The following DENND5B variants were observed in gnomAD, a reference collection of about 807,000 sequenced individuals.
DENND5B encodes the protein DENN domain-containing protein 5B.
DENND5B carries 34 observed loss-of-function variants against 140.6 expected under a neutral mutation model. That is an observed-to-expected ratio of 0.24 (90% confidence interval 0.18 to 0.32). DENND5B has a LOEUF of 0.32. DENND5B is among the 10% of genes least tolerant of loss of function. The pLI is 1.00. For synonymous variants in DENND5B, 551 were observed against 562.1 expected, an observed-to-expected ratio of 0.98 and a Z score of 0.28; for missense variants, 1,142 against 1,560.2, an observed-to-expected ratio of 0.73 and a Z score of 4.52.
Position 31,549,617 on chromosome 12 carries a change from T to A in DENND5B, c.127+41089A>T, listed in dbSNP as rs185017196. 2.6e-5 allele frequency among the ~76,000 whole-genome samples: 4 copies of A among 152,136 alleles called. No homozygotes were observed. The East Asian group carries it at 7.7e-4, about 29-fold the overall frequency. ...TTACACAGGTAAATGTGTGCCATGG[T>A]GGTTTGCTGCACCTATCAACCCATC... On this transcript the variant is annotated intron_variant, in intron 1 of 20. Transcript: ENST00000389082.
At chr12:31,473,804 A>G (rs1359981923) in intron 3 of DENND5B, among the ~76,000 whole-genome samples, 2 of 152,210 alleles carry the variant, frequency 1.3e-5, no homozygotes, top group Non-Finnish European at 2.9e-5. Context: ...AGAGATCCCT[A>G]TTGAAAAAGA....
In DENND5B at chr12:31,399,701, T is replaced by TAGC. The variant is rs1941697311; in HGVS notation, c.3018_3020dup (p.Leu1007dup). 1 of 1,613,908 alleles carries TAGC rather than the reference T, an allele frequency of 6.2e-7. No individual in the cohort carries two copies. The highest frequency in any genetic ancestry group is 8.5e-7 in the Non-Finnish European group (1 of 1,179,942). ...CATTTCTGACCATGACACAATCCAC[T>TAGC]AGCCATTTGGCTAACAGTCCTGAGT... On this transcript the variant is annotated inframe_insertion, in exon 16 of 21. Transcript: ENST00000389082.
chr12:31,507,386 G>A (rs1947243896), intron 1 of DENND5B, among the ~76,000 whole-genome samples: 1 of 152,114 alleles, frequency 6.6e-6, no homozygotes, highest in South Asian at 2.1e-4. Context: ...GATCCTGCCT[G>A]GGCCTCCCAA....
chr12:31,492,356 A>G (rs948803153), intron 2 of DENND5B, among the ~76,000 whole-genome samples: 1 of 152,214 alleles, frequency 6.6e-6, no homozygotes, highest in Non-Finnish European at 1.5e-5. Context: ...TAAAAGAAAG[A>G]AAACACATGA....
At chr12:31,554,347 T>TGA in intron 1 of DENND5B, among the ~76,000 whole-genome samples, 1 of 152,220 alleles carries the variant, frequency 6.6e-6, no homozygotes, top group Non-Finnish European at 1.5e-5. Flanking sequence ...GGATATGATA[T>TGA]TCTGGGTTGA....
intron 1 of DENND5B, among the ~76,000 whole-genome samples, chr12:31,581,143 T>G (rs145848880): frequency 1.3e-5 from 2 of 152,204 alleles, no homozygotes; most frequent in East Asian, 3.9e-4. Context: ...TAATATTTAT[T>G]TGTTATAAAC....
At chr12:31,536,377 A>G (rs1480005758) in intron 1 of DENND5B, among the ~76,000 whole-genome samples, 2 of 152,158 alleles carry the variant, frequency 1.3e-5, no homozygotes, top group Non-Finnish European at 2.9e-5. Context: ...AGAGATTTAA[A>G]TAATTAAAAA....
At chr12:31,526,938 C>T (rs1948105674) in intron 1 of DENND5B, among the ~76,000 whole-genome samples, 1 of 152,202 alleles carries the variant, frequency 6.6e-6, no homozygotes, top group South Asian at 2.1e-4. Context: ...TTTTCATATT[C>T]ATCCATTCAA....
chr12:31,529,084 A>G (rs1277537437), intron 1 of DENND5B, among the ~76,000 whole-genome samples: 1 of 149,306 alleles, frequency 6.7e-6, no homozygotes, highest in African/African-American at 2.5e-5. Flanking sequence ...AATTGCTTGA[A>G]CTCGGGAGGC....
chr12:31,554,226 G>A (rs1949190097), intron 1 of DENND5B, among the ~76,000 whole-genome samples: 1 of 152,086 alleles, frequency 6.6e-6, no homozygotes, highest in African/African-American at 2.4e-5. Flanking sequence ...CATGTTTAGT[G>A]CTTCCTTCAG....
intron 3 of DENND5B, among the ~76,000 whole-genome samples, chr12:31,461,784 C>A (rs144209530): frequency 1.3e-5 from 2 of 152,152 alleles, no homozygotes; most frequent in East Asian, 3.9e-4. Context: ...GGATTGTGGG[C>A]TTGTAATAAT....
rs1451032768 is a variant in DENND5B, at chr12:31,392,128, G to A, written c.3466+139C>T. The A allele has an allele frequency of 1.7e-5, 15 of 861,314 alleles. 2 individuals carry two copies. The South Asian group carries it at 3.6e-4, about 21-fold the overall frequency. The allele number at this position is 861,314 out of a possible 1,614,324, so 53.4% of individuals were successfully genotyped here. ...CACTCCAGCTTGGGCAACAGAGTAA[G>A]ATTCCGTCTCAAAAAAAAAAAAAGA... On this transcript the variant is annotated intron_variant, in intron 19 of 20. Coordinates refer to ENST00000389082, the MANE Select transcript of DENND5B (RefSeq NM_144973.4).
intron 3 of DENND5B, among the ~76,000 whole-genome samples, chr12:31,470,724 G>C (rs1312175524): frequency 6.6e-6 from 1 of 152,192 alleles, no homozygotes; most frequent in Non-Finnish European, 1.5e-5. Flanking sequence ...GAACTGTTGG[G>C]CATCCAGTTG....
intron 1 of DENND5B, among the ~76,000 whole-genome samples, chr12:31,525,450 A>G (rs938143920): frequency 1.3e-5 from 2 of 152,280 alleles, no homozygotes; most frequent in African/African-American, 4.8e-5. Flanking sequence ...AATTCTATTT[A>G]TATGAAATAC....
chr12:31,398,443 T>C, intron 16 of DENND5B, 81 bp from the exon 17 acceptor site: 1 of 1,352,000 alleles, frequency 7.4e-7, no homozygotes, highest in Non-Finnish European at 9.9e-7. Flanking sequence ...TAGTTGAGAC[T>C]ACAGGTGTGC....
intron 1 of DENND5B, among the ~76,000 whole-genome samples, chr12:31,565,115 T>C (rs909825868): frequency 1.3e-5 from 2 of 152,168 alleles, no homozygotes; most frequent in Non-Finnish European, 2.9e-5. Context: ...ACTGCATCTA[T>C]TAAGGGATTA....
intron 1 of DENND5B, among the ~76,000 whole-genome samples, chr12:31,588,446 T>C (rs75949372): frequency 0.023 from 3,480 of 152,308 alleles, 57 homozygotes; most frequent in African/African-American, 0.05. Flanking sequence ...CAAGCACAGA[T>C]TGAAAATGTA....
chr12:31,427,280 T>A (rs1164214801), intron 8 of DENND5B, among the ~76,000 whole-genome samples: 1 of 152,112 alleles, frequency 6.6e-6, no homozygotes, highest in Non-Finnish European at 1.5e-5. Flanking sequence ...GCAAGACATG[T>A]GCTCTCTCTC....
intron 1 of DENND5B, among the ~76,000 whole-genome samples, chr12:31,570,300 G>T (rs868322889): frequency 1.4e-5 from 2 of 147,680 alleles, no homozygotes; most frequent in Non-Finnish European, 1.5e-5. Flanking sequence ...TTTAAGAGAC[G>T]GAGTCTCACT....
Sources: gnomAD v4.1 joint callset for allele counts (sites outside exome capture counted in the v4.1 genomes callset) on GRCh38, gnomAD v4.1.1 for gene constraint, MANE v1.5 for transcripts, NCBI Gene and HGNC (gene_info 2026-07-23, HGNC 2026-07-21) for gene names.